Variants in PLEKHG4B observed in about 807,000 individuals in gnomAD.
The protein encoded by PLEKHG4B is pleckstrin homology and RhoGEF domain containing G4B.
PLEKHG4B carries 111 observed loss-of-function variants against 121.3 expected under a neutral mutation model. The ratio of observed to expected loss-of-function variants is 0.92; its 90% CI spans 0.78 to 1.07. The LOEUF (loss-of-function observed/expected upper bound fraction) is 1.07, where lower values mean the gene tolerates loss of function less well. PLEKHG4B is among the 50% of genes least tolerant of loss of function. PLEKHG4B has a pLI of 0.00. For missense variants in PLEKHG4B, 1,831 were observed against 1,757.8 expected (o/e 1.04, Z -0.74); for synonymous variants, 738 against 725.0 (o/e 1.02, Z -0.29).
Position 151,531 on chromosome 5 carries a change from AT to A in PLEKHG4B, c.1926del (p.His643IlefsTer7). On this transcript the variant is annotated frameshift_variant, in exon 7 of 20. Coordinates refer to ENST00000637938, the MANE Select transcript of PLEKHG4B (RefSeq NM_052909.5). LOFTEE classifies it high-confidence loss of function. ...ATTTCAGAACAACACATCTCCTATA[AT>A]TCATAGTATCTTGCTGTTGGTAGAT... ...SGLQNNTSPIIHSILLLVDKE... is the reference protein window; with the variant it reads ...SGLQNNTSPIXHSILLLVDKE... 6.4e-7 allele frequency: 1 copy of A among 1,573,848 alleles called. No individual in the cohort carries two copies. The highest frequency in any genetic ancestry group is 2.2e-5 in the East Asian group (1 of 44,642).
At chr5:166,346 C>T (rs1220449463) in intron 13 of PLEKHG4B, among the ~76,000 whole-genome samples, 1 of 72,826 alleles carries the variant, frequency 1.4e-5, no homozygotes, top group Non-Finnish European at 3.1e-5. Flanking sequence ...TCTGACGGGG[C>T]GGGGCTCACA....
chr5:162,160 C>G (rs1434103159), intron 12 of PLEKHG4B, among the ~76,000 whole-genome samples: 1 of 152,230 alleles, frequency 6.6e-6, no homozygotes, highest in Non-Finnish European at 1.5e-5. Context: ...ACAGACCAGC[C>G]AAACGAACAC....
chr5:169,397 G>A lies in PLEKHG4B; in HGVS notation c.3534G>A (p.Arg1178=), dbSNP rs75579589. 3.1e-3 allele frequency: 4,958 copies of A among 1,614,146 alleles called. 113 individuals are homozygous for A. The African/African-American group carries it at 0.052, about 17-fold the overall frequency. Residue 1178 remains arginine, a synonymous_variant, in exon 14 of 20, where the codon CGG becomes CGA. Coordinates refer to ENST00000637938, the MANE Select transcript of PLEKHG4B (RefSeq NM_052909.5). ...TCGCCACAGAGAGGGAGTACATTCG[G>A]TGCTTAGGATACGTCATTGACAACT... ...EMIATEREYI[R]CLGYVIDNYF...
In PLEKHG4B at chr5:141,385, C is replaced by T. The variant is rs766209288; in HGVS notation, c.1477+669C>T. Among the ~76,000 whole-genome samples, 11 of 149,554 alleles carry T rather than the reference C, an allele frequency of 7.4e-5. No individual in the cohort carries two copies. In the South Asian group the frequency reaches 8.7e-4, roughly 12 times the overall value. On this transcript the variant is annotated intron_variant, in intron 3 of 19. Coordinates refer to ENST00000637938, the MANE Select transcript of PLEKHG4B (RefSeq NM_052909.5). ...GCAGAGTGTGTTCCCCTCCGAGGAC[C>T]GGGGGCACCCATCCCGCCTCTTCCA...
chr5:94,166 C>T (rs1733558635), intron 1 of PLEKHG4B, among the ~76,000 whole-genome samples: 1 of 152,232 alleles, frequency 6.6e-6, no homozygotes, highest in South Asian at 2.1e-4. Context: ...GGTCCTGGTT[C>T]TCCTTCTCCC....
At chr5:94,493 G>T (rs926560136) in intron 1 of PLEKHG4B, among the ~76,000 whole-genome samples, 3 of 141,688 alleles carry the variant, frequency 2.1e-5, no homozygotes, top group Non-Finnish European at 4.5e-5. Flanking sequence ...GCTGGAGGGG[G>T]TTGAGAGGTG....
intron 1 of PLEKHG4B, among the ~76,000 whole-genome samples, chr5:105,084 TC>T (rs1255512535): frequency 6.6e-6 from 1 of 151,490 alleles, no homozygotes; most frequent in Non-Finnish European, 1.5e-5. Context: ...GTTCTGGTGT[TC>T]CCGTCCTGAA....
intron 1 of PLEKHG4B, among the ~76,000 whole-genome samples, chr5:93,538 C>G (rs566347420): frequency 1.3e-5 from 2 of 151,894 alleles, no homozygotes; most frequent in Non-Finnish European, 2.9e-5. Flanking sequence ...GTTTTTATTT[C>G]ACTGTGCGGC....
chr5:113,157 TC>T lies in PLEKHG4B; in HGVS notation c.46-92del, dbSNP rs1444142602. 1 of 398,264 alleles carries T rather than the reference TC, an allele frequency of 2.5e-6. No individual in the cohort carries two copies. Among genetic ancestry groups the T allele is most frequent in the Non-Finnish European group, 4.4e-6 (1 of 226,058 alleles). 24.7% of individuals were successfully genotyped at this position (398,264 alleles called of 1,614,324 possible). ...CATGCCAGACACAGGACAAGGGACTTCCGTGTGGATCCTTCAGTGCCAGCCT... is the reference window on the plus strand; with the variant it reads ...CATGCCAGACACAGGACAAGGGACTTCGTGTGGATCCTTCAGTGCCAGCCT... On this transcript the variant is annotated intron_variant, in intron 1 of 19. Transcript: ENST00000637938. This position sits in a 1 kb window ranked among gnomAD's most constrained non-coding sequence, Gnocchi z 5.2.
In PLEKHG4B at chr5:174,112, G is replaced by T; in HGVS notation, c.4402+14G>T. 6.4e-7 allele frequency: 1 copy of T among 1,557,772 alleles called. No homozygotes were observed. The highest frequency in any genetic ancestry group is 8.7e-7 in the Non-Finnish European group (1 of 1,151,174). ...TAAAGAGCAGAGGTGGGAAGATGGG[G>T]GCCGCAGGGCCTGCCAGGCTCAGGG... On this transcript the variant is annotated intron_variant, in intron 18 of 19. Transcript: ENST00000637938.
intron 2 of PLEKHG4B, among the ~76,000 whole-genome samples, chr5:133,406 A>G (rs1385185697): frequency 6.6e-6 from 1 of 152,190 alleles, no homozygotes; most frequent in African/African-American, 2.4e-5. Context: ...ACTAATATCC[A>G]GAATCTACAA....
At chr5:133,913 G>C (rs1310031035) in intron 2 of PLEKHG4B, among the ~76,000 whole-genome samples, 2 of 135,578 alleles carry the variant, frequency 1.5e-5, no homozygotes, top group Non-Finnish European at 3.2e-5. Context: ...AAGAAAATGT[G>C]ACACACACGC....
intron 1 of PLEKHG4B, among the ~76,000 whole-genome samples, chr5:99,201 TA>T (rs1579230142): frequency 3.0e-5 from 4 of 132,622 alleles, no homozygotes; most frequent in African/African-American, 9.1e-5. Flanking sequence ...TATATATATA[TA>T]TATATATATA....
At chr5:167,461 C>T (rs569896543) in intron 13 of PLEKHG4B, among the ~76,000 whole-genome samples, 4 of 151,686 alleles carry the variant, frequency 2.6e-5, no homozygotes, top group Non-Finnish European at 5.9e-5. Context: ...TCTGCCAACT[C>T]CCATTGGTAT....
chr5:99,170 GTATATATATATATATATA>G (rs534174768), intron 1 of PLEKHG4B, among the ~76,000 whole-genome samples: 8,842 of 100,538 alleles, frequency 0.088, 576 homozygotes, highest in African/African-American at 0.17. Flanking sequence ...AAAAAAAAGT[GTATATATATATATATATA>G]TATATATATA....
rs186390375 is a variant in PLEKHG4B at position 164,974 on chromosome 5, C to T, written c.3476+1426C>T. Among the ~76,000 whole-genome samples the T allele has an allele frequency of 2.3e-4, 11 of 48,578 alleles. 2 individuals are homozygous for T. Among genetic ancestry groups the T allele is most frequent in the Non-Finnish European group, 3.8e-4 (8 of 20,996 alleles). The allele number at this position is 48,578 out of a possible 152,430, so 31.9% of individuals were successfully genotyped here. A position where few individuals can be genotyped will look rare whatever the true frequency, so the allele number is the denominator to read the frequency against. ...CTTACACACTAATGCTCTGACGGGG[C>T]GGAGCTCACACTAATGCTCTGACGG... On this transcript the variant is annotated intron_variant, in intron 13 of 19. Transcript: ENST00000637938.
chr5:104,659 A>G (rs1733922535), intron 1 of PLEKHG4B, among the ~76,000 whole-genome samples: 1 of 152,102 alleles, frequency 6.6e-6, no homozygotes, highest in African/African-American at 2.4e-5. Context: ...TTTGATAATC[A>G]TTTTTCTGGT....
intron 6 of PLEKHG4B, among the ~76,000 whole-genome samples, chr5:150,965 C>T (rs967465257): frequency 6.6e-6 from 1 of 152,228 alleles, no homozygotes; most frequent in Non-Finnish European, 1.5e-5. Flanking sequence ...AATGGATGAA[C>T]AGATTGTGGT....
chr5:146,757 C>G (rs60842670), intron 6 of PLEKHG4B, among the ~76,000 whole-genome samples: 26,404 of 148,010 alleles, frequency 0.18, 3,262 homozygotes, highest in African/African-American at 0.34. Flanking sequence ...GTCCTCCCTC[C>G]TCTCTCTCCA....
Sources: gnomAD v4.1 joint callset for allele counts (sites outside exome capture counted in the v4.1 genomes callset) on GRCh38, gnomAD v4.1.1 for gene constraint, Gnocchi (gnomAD v3.1) non-coding constraint, MANE v1.5 for transcripts, NCBI Gene and HGNC (gene_info 2026-07-23, HGNC 2026-07-21) for gene names.